Variants in CSMD3 observed in about 807,000 individuals in gnomAD.
CSMD3 encodes the protein CUB and sushi domain-containing protein 3.
In CSMD3, 177 loss-of-function variants were observed where a neutral mutation model predicts 435.2. The ratio of observed to expected loss-of-function variants is 0.41; its 90% CI spans 0.36 to 0.46. The LOEUF is 0.46. Ranked by LOEUF, CSMD3 falls within the 20% of genes least tolerant of loss-of-function variation. CSMD3 has a pLI of 0.34. For missense variants in CSMD3, 4,265 were observed against 4,504.6 expected, an observed-to-expected ratio of 0.95 and a Z score of 1.52; for synonymous variants, 1,656 against 1,520.5, an observed-to-expected ratio of 1.09 and a Z score of -2.07.
chr8:113,402,432 A>C (rs2094514451), intron 1 of CSMD3, among the ~76,000 whole-genome samples: 1 of 151,358 alleles, frequency 6.6e-6, no homozygotes, highest in African/African-American at 2.4e-5. Context: ...TCTTCATAAC[A>C]CCAAGGTTTA....
At chr8:113,104,823 A>G (rs1200589909) in intron 4 of CSMD3, among the ~76,000 whole-genome samples, 1 of 152,134 alleles carries the variant, frequency 6.6e-6, no homozygotes, top group Non-Finnish European at 1.5e-5. Context: ...ACTGAGATAA[A>G]CACCTCTGAG....
At chr8:112,991,225 A>AATAT (rs145732018) in intron 6 of CSMD3, among the ~76,000 whole-genome samples, 13 of 150,682 alleles carry the variant, frequency 8.6e-5, no homozygotes, top group African/African-American at 2.9e-4. Context: ...TGCTGAATTA[A>AATAT]ATATATATAT....
At chr8:112,677,039 A>G (rs1174420421) in intron 16 of CSMD3, among the ~76,000 whole-genome samples, 2 of 152,132 alleles carry the variant, frequency 1.3e-5, no homozygotes, top group African/African-American at 4.8e-5. Context: ...GAATTTATTC[A>G]CCAAGCTTCC....
intron 4 of CSMD3, among the ~76,000 whole-genome samples, chr8:113,111,616 G>A (rs1036056330): frequency 6.6e-6 from 1 of 152,020 alleles, no homozygotes; most frequent in East Asian, 1.9e-4. Flanking sequence ...GTCTACCATT[G>A]CAGTCAATAT....
chr8:113,065,634 C>A (rs2088821410), intron 5 of CSMD3, among the ~76,000 whole-genome samples: 1 of 152,008 alleles, frequency 6.6e-6, no homozygotes, highest in Admixed American at 6.6e-5. Flanking sequence ...GTGATCCGCC[C>A]GCCTCGTGCT....
At chr8:112,747,594 A>T (rs938422073) in intron 13 of CSMD3, among the ~76,000 whole-genome samples, 1 of 152,150 alleles carries the variant, frequency 6.6e-6, no homozygotes, top group Admixed American at 6.5e-5. Flanking sequence ...GAAGTTCACA[A>T]ATATTTTCTG....
chr8:113,335,433 A>G (rs1456756419), intron 1 of CSMD3, among the ~76,000 whole-genome samples: 1 of 151,032 alleles, frequency 6.6e-6, no homozygotes, highest in Non-Finnish European at 1.5e-5. Flanking sequence ...TGTTTCAATA[A>G]TATTTCTCTA....
At chr8:112,666,437 G>A in intron 16 of CSMD3, 22 bp from the exon 17 acceptor site, 1 of 1,606,370 alleles carries the variant, frequency 6.2e-7, no homozygotes, top group Non-Finnish European at 8.5e-7. Flanking sequence ...AATCAGACAA[G>A]TAAGAATAAA....
At chr8:112,701,871 G>T (rs1176425267) in intron 13 of CSMD3, among the ~76,000 whole-genome samples, 3 of 152,094 alleles carry the variant, frequency 2.0e-5, no homozygotes, top group African/African-American at 7.2e-5. Flanking sequence ...GGCATTCTCT[G>T]AGTGTATAAA....
chr8:113,126,075 C>A (rs959017640), intron 4 of CSMD3, among the ~76,000 whole-genome samples: 1 of 151,892 alleles, frequency 6.6e-6, no homozygotes. Context: ...TTAATACTAA[C>A]GCACTTGAGA....
intron 22 of CSMD3, among the ~76,000 whole-genome samples, chr8:112,615,516 T>C (rs1276707567): frequency 6.6e-6 from 1 of 152,084 alleles, no homozygotes; most frequent in African/African-American, 2.4e-5. Context: ...AGAAATCTAC[T>C]TTGGCCCAAA....
intron 31 of CSMD3, among the ~76,000 whole-genome samples, chr8:112,482,621 G>A (rs1212707606): frequency 6.6e-6 from 1 of 152,000 alleles, no homozygotes; most frequent in Non-Finnish European, 1.5e-5. Context: ...CTGAATTATT[G>A]GCAGTTTTTG....
At chr8:112,429,577 T>C (rs1026970605) in intron 32 of CSMD3, among the ~76,000 whole-genome samples, 2 of 152,014 alleles carry the variant, frequency 1.3e-5, no homozygotes, top group African/African-American at 2.4e-5. Context: ...TAACATATTT[T>C]TGTTATTACT....
At chr8:113,285,029 C>G (rs1211523106) in intron 2 of CSMD3, among the ~76,000 whole-genome samples, 2 of 152,130 alleles carry the variant, frequency 1.3e-5, no homozygotes, top group East Asian at 3.9e-4. Flanking sequence ...TCCACTAGGA[C>G]TTTCCCATAA....
intron 4 of CSMD3, among the ~76,000 whole-genome samples, chr8:113,132,564 T>C (rs993120668): frequency 1.3e-5 from 2 of 152,288 alleles, no homozygotes; most frequent in South Asian, 4.1e-4. Context: ...GATTGTAAGT[T>C]TCCTGAGGCT....
intron 4 of CSMD3, among the ~76,000 whole-genome samples, chr8:113,100,771 T>G (rs1504349): frequency 0.47 from 72,216 of 152,054 alleles, 19,620 homozygotes; most frequent in East Asian, 0.87. Flanking sequence ...TTTTGTCTGT[T>G]TAAAAATAAA....
chr8:113,070,628 G>A (rs925889043), intron 5 of CSMD3, among the ~76,000 whole-genome samples: 35 of 151,674 alleles, frequency 2.3e-4, no homozygotes, highest in African/African-American at 7.8e-4. Context: ...TCTGAACCCC[G>A]GCAACCACCA....
At chr8:112,795,002 G>C (rs1446191014) in intron 13 of CSMD3, among the ~76,000 whole-genome samples, 1 of 151,676 alleles carries the variant, frequency 6.6e-6, no homozygotes, top group African/African-American at 2.4e-5. Flanking sequence ...AATTAAATTT[G>C]TTAAATATTT....
intron 7 of CSMD3, among the ~76,000 whole-genome samples, chr8:112,974,759 T>C (rs1271336995): frequency 6.6e-6 from 1 of 151,802 alleles, no homozygotes; most frequent in East Asian, 1.9e-4. Flanking sequence ...ACTTCTGAGA[T>C]ATTTTTGTAT....
Sources: allele counts gnomAD v4.1 joint callset (sites outside exome capture counted in the v4.1 genomes callset), GRCh38; gene constraint gnomAD v4.1.1; transcripts MANE v1.5; gene names NCBI Gene and HGNC (gene_info 2026-07-23, HGNC 2026-07-21).